ZNF44: variants seen among roughly 807,000 people sequenced by gnomAD.
ZNF44 encodes the protein gonadotropin inducible transcription repressor-2.
Under a neutral mutation model 11.7 loss-of-function variants are expected in ZNF44, and 9 were observed. That is an observed-to-expected ratio of 0.77 (90% CI 0.46 to 1.35). ZNF44 has a LOEUF of 1.35. ZNF44 is among the 40% of genes most tolerant of loss of function. The pLI is 0.00. For missense variants in ZNF44, 696 were observed against 743.1 expected (o/e 0.94, Z 0.74); for synonymous variants, 224 against 242.7 (o/e 0.92, Z 0.72).
downstream of ZNF44, chr19:12,225,114 C>T (rs1216974285): frequency 6.6e-6 from 1 of 152,196 alleles, no homozygotes; most frequent in African/African-American, 2.4e-5. Flanking sequence ...ATCCAGACCT[C>T]ATAGTTATAA....
downstream of ZNF44, among the ~76,000 whole-genome samples, chr19:12,243,059 GAC>G (rs1916673111): frequency 1.3e-5 from 2 of 152,156 alleles, no homozygotes; most frequent in Admixed American, 6.5e-5. Flanking sequence ...ACTGCAAGGT[GAC>G]ACAGAAAAAT....
At chr19:12,281,392 G>T (rs946855704) in intron 1 of ZNF44, among the ~76,000 whole-genome samples, 2 of 152,142 alleles carry the variant, frequency 1.3e-5, no homozygotes, top group Admixed American at 1.3e-4. Context: ...GATGAAAAGT[G>T]ATATATCTTA....
At position 12,263,026 on chromosome 19, in the gene ZNF44, G is replaced by A. The variant is rs117070874; in HGVS notation, c.1912+9461C>T. 2.2e-3 allele frequency among the ~76,000 whole-genome samples: 332 copies of A among 151,946 alleles called. 7 individuals carry two copies. The South Asian group carries it at 0.035, about 16-fold the overall frequency. On this transcript the variant is annotated intron_variant and NMD_transcript_variant, in intron 5 of 7. Coordinates refer to the ZNF44 transcript ENST00000393337. ...CCATTAAGGTGTAACACCTAGAGTA[G>A]TTCAGTCCCAGATTCAGTTTAAGGT...
intron 1 of ZNF44, chr19:12,284,939 G>A (rs1599543752): frequency 1.4e-6 from 1 of 726,068 alleles, no homozygotes; most frequent in Non-Finnish European, 2.5e-6. Flanking sequence ...TGCCCAAGAA[G>A]CTGCTCATGA....
intron 3 of ZNF44, among the ~76,000 whole-genome samples, chr19:12,229,707 A>G (rs2459021): frequency 0.061 from 9,257 of 151,394 alleles, 961 homozygotes; most frequent in African/African-American, 0.22. Context: ...TCTGCCTCCC[A>G]GGTTCACGCC....
At chr19:12,243,032 A>G (rs867365338), downstream of ZNF44, among the ~76,000 whole-genome samples, 1 of 152,244 alleles carries the variant, frequency 6.6e-6, no homozygotes, top group Non-Finnish European at 1.5e-5. Context: ...AAAATACGTC[A>G]TGCAAGAACA....
At position 12,271,979 on chromosome 19, in the gene ZNF44, T is replaced by A. The variant is rs1716300528; in HGVS notation, c.*428A>T. The A allele has an allele frequency of 6.6e-6, 1 of 152,416 alleles. No individual in the cohort carries two copies. The allele number at this position is 152,416 out of a possible 1,614,324, so 9.4% of individuals were successfully genotyped here. On this transcript the variant is annotated 3_prime_UTR_variant, in exon 4 of 4. Coordinates refer to ENST00000355684, the MANE Select transcript of ZNF44 (RefSeq NM_016264.4). ...TCTTGCATATAGCAGGCAGCAACTCTATTTGAAAGAAATGGAAACTTTTTT... is the reference window on the plus strand; with the variant it reads ...TCTTGCATATAGCAGGCAGCAACTCAATTTGAAAGAAATGGAAACTTTTTT...
intron 5 of ZNF44, among the ~76,000 whole-genome samples, chr19:12,259,617 C>T (rs752808334): frequency 1.3e-5 from 2 of 152,028 alleles, no homozygotes; most frequent in Non-Finnish European, 2.9e-5. Flanking sequence ...TCCTCTCTAA[C>T]CTGGTACTAA....
chr19:12,273,066 C>T lies in ZNF44; in HGVS notation c.1189G>A (p.Val397Ile). 1 of 1,613,186 alleles carries T rather than the reference C, an allele frequency of 6.2e-7. No individual in the cohort carries two copies. Among genetic ancestry groups the T allele is most frequent in the South Asian group, 1.1e-5 (1 of 91,028 alleles). Residue 397 changes from valine to isoleucine, a missense_variant, in exon 4 of 4, where the codon GTA becomes ATA. Coordinates refer to ENST00000355684, the MANE Select transcript of ZNF44 (RefSeq NM_016264.4). Reference sequence around the variant, plus strand: ...GGAGAATCAAAGGCTTTCCCACATACTGTGCATTTATGAGGGCCATCTCCA... The same window carrying T: ...GGAGAATCAAAGGCTTTCCCACATATTGTGCATTTATGAGGGCCATCTCCA... ...HTGDGPHKCT[V>I]CGKAFDSPSV...
chr19:12,230,725 C>T (rs1228869959), intron 2 of ZNF44, among the ~76,000 whole-genome samples: 3 of 152,104 alleles, frequency 2.0e-5, no homozygotes, highest in South Asian at 4.1e-4. Context: ...GAAAGAAACA[C>T]GAAATGCAGC....
At chr19:12,230,760 T>G (rs1252828849) in intron 2 of ZNF44, among the ~76,000 whole-genome samples, 2 of 152,138 alleles carry the variant, frequency 1.3e-5, no homozygotes, top group Non-Finnish European at 2.9e-5. Context: ...CAGGTTTATT[T>G]TAGAAAAAAC....
chr19:12,227,424 A>G (rs1462005795), intron 3 of ZNF44, among the ~76,000 whole-genome samples: 1 of 152,192 alleles, frequency 6.6e-6, no homozygotes, highest in Non-Finnish European at 1.5e-5. Context: ...CAACATGGTG[A>G]AACTTCGTCT....
chr19:12,250,609 G>A (rs1011821746), intron 5 of ZNF44, among the ~76,000 whole-genome samples: 3 of 152,164 alleles, frequency 2.0e-5, no homozygotes, highest in Non-Finnish European at 2.9e-5. Context: ...AGGATCCAGA[G>A]CACTCTGGAA....
chr19:12,293,884 C>CGGAG (rs1358175724), intron 1 of ZNF44, among the ~76,000 whole-genome samples: 1 of 150,690 alleles, frequency 6.6e-6, no homozygotes, highest in Non-Finnish European at 1.5e-5. Flanking sequence ...GCCTAGTGAC[C>CGGAG]CTCCCACCGT....
At chr19:12,238,921 C>T (rs1012032069), upstream of ZNF44, among the ~76,000 whole-genome samples, 6 of 152,206 alleles carry the variant, frequency 3.9e-5, no homozygotes, top group Non-Finnish European at 5.9e-5. Context: ...ACTGCTGTAA[C>T]GCAGCCCCAG....
At chr19:12,253,187 C>CT (rs763591024) in intron 5 of ZNF44, among the ~76,000 whole-genome samples, 14,810 of 110,200 alleles carry the variant, frequency 0.13, 1,346 homozygotes, top group African/African-American at 0.16. Flanking sequence ...CTGCACCTGG[C>CT]TTTTTTTTTT....
At chr19:12,253,467 G>C (rs898112609) in intron 5 of ZNF44, among the ~76,000 whole-genome samples, 3 of 152,182 alleles carry the variant, frequency 2.0e-5, no homozygotes, top group Non-Finnish European at 2.9e-5. Context: ...TGGTATTACA[G>C]GCGTGAGCCA....
At chr19:12,249,299 A>C (rs1191162508) in intron 7 of ZNF44, among the ~76,000 whole-genome samples, 1 of 151,256 alleles carries the variant, frequency 6.6e-6, no homozygotes, top group Non-Finnish European at 1.5e-5. Flanking sequence ...AGGTCAGGAG[A>C]TCGAGACCAT....
intron 1 of ZNF44, among the ~76,000 whole-genome samples, chr19:12,281,065 T>C (rs1023367269): frequency 1.3e-5 from 2 of 152,210 alleles, no homozygotes; most frequent in Non-Finnish European, 1.5e-5. Flanking sequence ...ACTAATGATA[T>C]AGCTGAACTC....
Sources: gnomAD v4.1 joint callset for allele counts (sites outside exome capture counted in the v4.1 genomes callset) on GRCh38, gnomAD v4.1.1 for gene constraint, MANE v1.5 for transcripts, NCBI Gene and HGNC (gene_info 2026-07-23, HGNC 2026-07-21) for gene names.